ODF1: variants seen among roughly 807,000 people sequenced by gnomAD.
ODF1 encodes outer dense fiber protein 1.
In ODF1, 10 loss-of-function variants were observed where a neutral mutation model predicts 24.0. That is an observed-to-expected ratio of 0.42 (90% CI 0.26 to 0.71). The LOEUF is 0.71. Ranked by LOEUF, ODF1 falls within the 30% of genes least tolerant of loss-of-function variation. The pLI is 0.28. For missense variants in ODF1, 282 were observed against 307.9 expected (o/e 0.92, Z 0.63); for synonymous variants, 118 against 121.3 (o/e 0.97, Z 0.18).
intron 1 of ODF1, among the ~76,000 whole-genome samples, chr8:102,554,475 GC>G (rs1174178412): frequency 6.6e-6 from 1 of 152,140 alleles, no homozygotes; most frequent in Non-Finnish European, 1.5e-5. Flanking sequence ...AGTTGCCTTG[GC>G]CCCCTTGAAA....
At chr8:102,556,638 C>T (rs1563939503) in intron 1 of ODF1, among the ~76,000 whole-genome samples, 2 of 152,204 alleles carry the variant, frequency 1.3e-5, no homozygotes, top group East Asian at 1.9e-4. Flanking sequence ...TTTTAACAAA[C>T]CCTGCAGGAG....
chr8:102,554,831 G>A (rs1247754823), intron 1 of ODF1, among the ~76,000 whole-genome samples: 2 of 152,132 alleles, frequency 1.3e-5, no homozygotes, highest in Non-Finnish European at 2.9e-5. Flanking sequence ...GGTGGCACAT[G>A]CTTGTGGTCC....
chr8:102,560,342 TA>T (rs1187219229), intron 1 of ODF1, 109 bp from the exon 2 acceptor site: 27 of 986,500 alleles, frequency 2.7e-5, no homozygotes, highest in Middle Eastern at 4.3e-4. Context: ...CAATGGCTAG[TA>T]TTAACTTTGG....
chr8:102,551,807 G>T lies in ODF1; in HGVS notation c.80G>T (p.Cys27Phe), dbSNP rs781546214. Residue 27 changes from cysteine (C) to phenylalanine (F), a missense_variant, in exon 1 of 2, where the codon TGC becomes TTC. By Grantham distance (205) the Cys-to-Phe change is radical (BLOSUM62 -2). Coordinates refer to ENST00000285402, the MANE Select transcript of ODF1 (RefSeq NM_024410.4). ...GACAGAGAACTAAGGCAACTGAGAT[G>T]CATCGACGAATTTAGCACACGGTGC... Reference protein sequence around the residue: ...KVDRELRQLRCIDEFSTRCLC... With the variant: ...KVDRELRQLRFIDEFSTRCLC... 6.2e-7 allele frequency: 1 copy of T among 1,614,166 alleles called. No homozygotes were observed. Among genetic ancestry groups the T allele is most frequent in the Non-Finnish European group, 8.5e-7 (1 of 1,180,026 alleles).
rs1414525649 is a variant in ODF1, at chr8:102,560,987, C to G, written c.*103C>G. 3 of 1,112,226 alleles carry G rather than the reference C, an allele frequency of 2.7e-6. 1 individual carries two copies. The highest frequency in any genetic ancestry group is 3.0e-5 in the South Asian group (2 of 66,298). The allele number at this position is 1,112,226 out of a possible 1,614,324, so 68.9% of individuals were successfully genotyped here. A position where few individuals can be genotyped will look rare whatever the true frequency, so the allele number is the denominator to read the frequency against. The stretch of plus-strand genomic sequence containing the variant: ...TCCCATGGCCCCTGTTGTTGAAGTA[C>G]GTAGGAAACTGAATACATAACTGCA... On this transcript the variant is annotated 3_prime_UTR_variant, in exon 2 of 2. Coordinates refer to ENST00000285402, the MANE Select transcript of ODF1 (RefSeq NM_024410.4).
intron 1 of ODF1, among the ~76,000 whole-genome samples, chr8:102,560,235 C>T (rs1190124573): frequency 6.8e-6 from 1 of 147,504 alleles, no homozygotes; most frequent in Admixed American, 6.7e-5. Context: ...AGGCAGCACG[C>T]ATTCATTGTT....
At chr8:102,556,634 C>A (rs556743423) in intron 1 of ODF1, among the ~76,000 whole-genome samples, 1 of 152,116 alleles carries the variant, frequency 6.6e-6, no homozygotes, top group African/African-American at 2.4e-5. Flanking sequence ...TGTGTTTTAA[C>A]AAACCCTGCA....
chr8:102,556,001 C>T lies in ODF1; in HGVS notation c.320+3954C>T, dbSNP rs116381498. Reference sequence around the variant, plus strand: ...GACCTTGCTGTTTATTGATATAAGACTTAAAGCTTCAGATTAGGGCAAGTC... The same window carrying T: ...GACCTTGCTGTTTATTGATATAAGATTTAAAGCTTCAGATTAGGGCAAGTC... On this transcript the variant is annotated intron_variant, in intron 1 of 1. Transcript: ENST00000285402. 9.3e-3 allele frequency among the ~76,000 whole-genome samples: 1,422 copies of T among 152,326 alleles called. 20 individuals are homozygous for T. Among genetic ancestry groups the T allele is most frequent in the African/African-American group, 0.032 (1,330 of 41,572 alleles).
chr8:102,551,795 G>A lies in ODF1; in HGVS notation c.68G>A (p.Arg23Lys). The change falls in exon 1 of 2, where the codon AGG becomes AAG. Residue 23 changes from arginine to lysine, a missense_variant. Coordinates refer to ENST00000285402, the MANE Select transcript of ODF1 (RefSeq NM_024410.4). ...ATAAAGAAGGTGGACAGAGAACTAA[G>A]GCAACTGAGATGCATCGACGAATTT... ...RDIKKVDREL[R>K]QLRCIDEFST... 1 of 1,614,128 alleles carries A rather than the reference G, an allele frequency of 6.2e-7. No homozygotes were observed. The highest frequency in any genetic ancestry group is 8.5e-7 in the Non-Finnish European group (1 of 1,179,986).
chr8:102,552,866 A>G (rs2131028144), intron 1 of ODF1, among the ~76,000 whole-genome samples: 1 of 152,348 alleles, frequency 6.6e-6, no homozygotes, highest in Admixed American at 6.5e-5. Context: ...AATAAATAAT[A>G]CATTCATGCA....
At position 102,552,795 on chromosome 8, in the gene ODF1, A is replaced by G. The variant is rs964642136; in HGVS notation, c.320+748A>G. 1.2e-4 allele frequency among the ~76,000 whole-genome samples: 18 copies of G among 152,246 alleles called. No individual in the cohort carries two copies. In the East Asian group the frequency reaches 1.7e-3, roughly 15 times the overall value. The stretch of plus-strand genomic sequence containing the variant: ...AAACTTTCCTTTTCTAACTTTTTAC[A>G]TATGCCATTTAGTCTGTTACTGTTG... On this transcript the variant is annotated intron_variant, in intron 1 of 1. Coordinates refer to ENST00000285402, the MANE Select transcript of ODF1 (RefSeq NM_024410.4).
chr8:102,559,539 A>C (rs944899727), intron 1 of ODF1, among the ~76,000 whole-genome samples: 1 of 151,680 alleles, frequency 6.6e-6, no homozygotes, highest in African/African-American at 2.4e-5. Flanking sequence ...AGAGATGTAC[A>C]CGATCAGCTC....
At chr8:102,554,339 A>G (rs1826083419) in intron 1 of ODF1, among the ~76,000 whole-genome samples, 1 of 152,222 alleles carries the variant, frequency 6.6e-6, no homozygotes, top group Non-Finnish European at 1.5e-5. Flanking sequence ...ATTCATATTC[A>G]CATGACCTTC....
At chr8:102,559,010 T>C (rs1278095886) in intron 1 of ODF1, among the ~76,000 whole-genome samples, 1 of 148,846 alleles carries the variant, frequency 6.7e-6, no homozygotes, top group Non-Finnish European at 1.5e-5. Flanking sequence ...TTAAATGAAA[T>C]ATGCCTTTAA....
chr8:102,554,137 T>C (rs548507584), intron 1 of ODF1, among the ~76,000 whole-genome samples: 1 of 152,364 alleles, frequency 6.6e-6, no homozygotes, highest in East Asian at 1.9e-4. Flanking sequence ...GTGAAAATGT[T>C]AAACCCTGAT....
In ODF1 at chr8:102,551,862, C is replaced by T. The variant is rs756233236; in HGVS notation, c.135C>T (p.Cys45=). The change falls in exon 1 of 2, where the codon TGC becomes TGT. Residue 45 remains cysteine, a synonymous_variant. Coordinates refer to ENST00000285402, the MANE Select transcript of ODF1 (RefSeq NM_024410.4). ...CLCDLYMHPY[C]CCDLHPYPYC... Reference sequence around the variant, plus strand: ...GCGACTTGTATATGCACCCCTATTGCTGCTGTGACTTGCACCCATATCCGT... The same window carrying T: ...GCGACTTGTATATGCACCCCTATTGTTGCTGTGACTTGCACCCATATCCGT... The T allele has an allele frequency of 6.2e-7, 1 of 1,614,156 alleles. No homozygotes were observed. Among genetic ancestry groups the T allele is most frequent in the Non-Finnish European group, 8.5e-7 (1 of 1,180,048 alleles).
intron 1 of ODF1, among the ~76,000 whole-genome samples, chr8:102,554,274 AT>A (rs1826082931): frequency 6.6e-6 from 1 of 152,196 alleles, no homozygotes; most frequent in South Asian, 2.1e-4. Flanking sequence ...TGTTGATTCA[AT>A]TTTTTAAAAC....
At chr8:102,558,367 T>C (rs1043086324) in intron 1 of ODF1, among the ~76,000 whole-genome samples, 3 of 152,004 alleles carry the variant, frequency 2.0e-5, no homozygotes, top group African/African-American at 2.4e-5. Flanking sequence ...GGCAGGAGAA[T>C]GGCATGAACC....
rs780785186 is a variant in ODF1 at position 102,551,918 on chromosome 8, C to G, written c.191C>G (p.Ser64Cys). 6.2e-7 allele frequency: 1 copy of G among 1,614,204 alleles called. No homozygotes were observed. Among genetic ancestry groups the G allele is most frequent in the Non-Finnish European group, 8.5e-7 (1 of 1,180,046 alleles). The part of the protein sequence containing the change: ...YCLCYSKRSR[S>C]CGLCDLYPCC... The stretch of plus-strand genomic sequence containing the variant: ...TTGTGCTATTCCAAGCGATCACGCT[C>G]TTGCGGCCTGTGTGATCTCTACCCA... Residue 64 changes from serine to cysteine, a missense_variant, in exon 1 of 2, where the codon TCT becomes TGT. Physicochemically the swap from Ser to Cys is moderately radical, Grantham distance 112. Transcript: ENST00000285402.
Sources: gnomAD v4.1 joint callset for allele counts (sites outside exome capture counted in the v4.1 genomes callset) on GRCh38, gnomAD v4.1.1 for gene constraint, MANE v1.5 for transcripts, NCBI Gene and HGNC (gene_info 2026-07-23, HGNC 2026-07-21) for gene names.